RPA3: variants seen among roughly 807,000 people sequenced by gnomAD.
RPA3 encodes the protein replication protein A 14 kDa subunit.
A neutral mutation model predicts 13.7 loss-of-function variants in RPA3; 24 were observed. The ratio of observed to expected loss-of-function variants is 1.75; its 90% confidence interval spans 1.27 to 2.46. RPA3 has a LOEUF of 2.46. Ranked by LOEUF, RPA3 falls within the 30% of genes most tolerant of loss-of-function variation. The pLI is 0.00. For synonymous variants in RPA3, 59 were observed against 51.2 expected (o/e 1.15, Z -0.65); for missense variants, 183 against 151.0 (o/e 1.21, Z -1.11).
intron 7 of RPA3, among the ~76,000 whole-genome samples, chr7:7,637,499 G>C (rs1206957469): frequency 6.6e-6 from 1 of 151,816 alleles, no homozygotes; most frequent in Admixed American, 6.6e-5. Context: ...TTGCCTTTAC[G>C]ATCACAAAAT....
chr7:7,671,870 C>T (rs972202879), intron 4 of RPA3, among the ~76,000 whole-genome samples: 1 of 152,106 alleles, frequency 6.6e-6, no homozygotes, highest in Non-Finnish European at 1.5e-5. Context: ...AGAAGCTGTT[C>T]CTTTTTTCTA....
chr7:7,718,370 T>C (rs1780970296), intron 1 of RPA3, 145 bp downstream of exon 1: 1 of 152,210 alleles, frequency 6.6e-6, no homozygotes, highest in African/African-American at 2.4e-5. Context: ...TACCACCATA[T>C]TCCCAGCACT....
rs527957563 is a variant in RPA3 at position 7,715,294 on chromosome 7, T to G, written c.-1079-68A>C. ...TTTCACCAGATTTATGAATACAGTT[T>G]CATCAATGATCTTGGTGAATAGTAG... is the stretch of plus-strand genomic sequence containing the variant. On this transcript the variant is annotated intron_variant, in intron 1 of 7. Transcript: ENST00000223129. The G allele has an allele frequency of 2.6e-5, 4 of 152,182 alleles. No individual in the cohort carries two copies. The South Asian group carries it at 8.3e-4, about 32-fold the overall frequency. 9.4% of individuals were successfully genotyped at this position (152,182 alleles called of 1,614,324 possible).
chr7:7,690,565 A>G (rs1038726400), intron 2 of RPA3, among the ~76,000 whole-genome samples: 1 of 152,138 alleles, frequency 6.6e-6, no homozygotes, highest in Non-Finnish European at 1.5e-5. Context: ...GGTGGGGGTG[A>G]TGCCGCACCT....
In RPA3 at chr7:7,710,105, A is replaced by G. The variant is rs183449144; in HGVS notation, c.-1028+5070T>C. On this transcript the variant is annotated intron_variant, in intron 2 of 7. Transcript: ENST00000223129. ...CAGTATCATGTATCTGGTCTCATCTATATTGCTCTATGTATCTTTAGTTCT... is the reference window on the plus strand; with the variant it reads ...CAGTATCATGTATCTGGTCTCATCTGTATTGCTCTATGTATCTTTAGTTCT... 9.2e-5 allele frequency among the ~76,000 whole-genome samples: 14 copies of G among 152,288 alleles called. No individual in the cohort carries two copies. The East Asian group carries it at 2.1e-3, about 23-fold the overall frequency.
chr7:7,718,296 T>A (rs1195662798), intron 1 of RPA3, among the ~76,000 whole-genome samples: 1 of 152,210 alleles, frequency 6.6e-6, no homozygotes, highest in Non-Finnish European at 1.5e-5. Context: ...TAAAACTATT[T>A]TGATATTTTT....
chr7:7,712,594 A>C (rs967363579), intron 2 of RPA3, among the ~76,000 whole-genome samples: 5 of 152,030 alleles, frequency 3.3e-5, no homozygotes, highest in African/African-American at 1.2e-4. Context: ...ATTCTTTTGA[A>C]TTTTCTAAGT....
intron 2 of RPA3, among the ~76,000 whole-genome samples, chr7:7,704,350 A>T (rs1780541630): frequency 6.6e-6 from 1 of 152,166 alleles, no homozygotes; most frequent in Non-Finnish European, 1.5e-5. Flanking sequence ...GATTTCTAAT[A>T]TGAAAAATAT....
chr7:7,677,383 C>A (rs1779767801), intron 4 of RPA3, among the ~76,000 whole-genome samples: 1 of 151,932 alleles, frequency 6.6e-6, no homozygotes, highest in Non-Finnish European at 1.5e-5. Context: ...ATCATCCATC[C>A]CCATTTTATT....
chr7:7,712,410 A>G (rs1325757070), intron 2 of RPA3, among the ~76,000 whole-genome samples: 2 of 152,150 alleles, frequency 1.3e-5, no homozygotes, highest in Non-Finnish European at 2.9e-5. Flanking sequence ...CATTTTTCAT[A>G]AAAATCACAT....
At chr7:7,696,043 T>C (rs1006284959) in intron 2 of RPA3, among the ~76,000 whole-genome samples, 4 of 150,782 alleles carry the variant, frequency 2.7e-5, no homozygotes, top group African/African-American at 9.8e-5. Flanking sequence ...GGAGTCTCTG[T>C]TGCCCAGGCT....
In RPA3 at chr7:7,664,579, A is replaced by G. The variant is rs184944388; in HGVS notation, c.-758+21251T>C. Among the ~76,000 whole-genome samples the G allele has an allele frequency of 2.0e-5, 3 of 152,272 alleles. No individual in the cohort carries two copies. In the East Asian group the frequency reaches 5.8e-4, roughly 29 times the overall value. On this transcript the variant is annotated intron_variant, in intron 4 of 7. Coordinates refer to ENST00000223129, the MANE Select transcript of RPA3 (RefSeq NM_002947.5). The stretch of plus-strand genomic sequence containing the variant: ...GAGGTTAATCTCTTTGCTTTCCTCT[A>G]TACCCACTATGCTTTTTGTTCATGT...
At chr7:7,666,997 G>T (rs961677139) in intron 4 of RPA3, among the ~76,000 whole-genome samples, 2 of 152,090 alleles carry the variant, frequency 1.3e-5, no homozygotes, top group Non-Finnish European at 2.9e-5. Flanking sequence ...TAGTAGAGAT[G>T]GGGTTTCACC....
At chr7:7,694,762 C>T (rs969946891) in intron 2 of RPA3, among the ~76,000 whole-genome samples, 1 of 152,024 alleles carries the variant, frequency 6.6e-6, no homozygotes, top group African/African-American at 2.4e-5. Flanking sequence ...GCATACGTAC[C>T]ACGTTTTCTT....
chr7:7,717,008 T>A (rs773323812), intron 1 of RPA3, among the ~76,000 whole-genome samples: 11 of 152,076 alleles, frequency 7.2e-5, no homozygotes, highest in Middle Eastern at 3.4e-3. Flanking sequence ...CCCCTTCCTC[T>A]GCACGAGGGA....
chr7:7,665,745 T>G (rs551316808), intron 4 of RPA3, among the ~76,000 whole-genome samples: 1 of 152,194 alleles, frequency 6.6e-6, no homozygotes, highest in African/African-American at 2.4e-5. Context: ...CACTGTACAC[T>G]AGTTTGTATT....
intron 4 of RPA3, among the ~76,000 whole-genome samples, chr7:7,673,631 C>G (rs952886932): frequency 7.9e-5 from 12 of 152,016 alleles, no homozygotes; most frequent in African/African-American, 2.7e-4. Flanking sequence ...GGAATAGTGT[C>G]ATCAAGTGAG....
intron 4 of RPA3, among the ~76,000 whole-genome samples, chr7:7,649,158 C>CAAAAAAAA (rs34943326): frequency 3.1e-4 from 40 of 128,842 alleles, no homozygotes; most frequent in Non-Finnish European, 4.3e-4. Flanking sequence ...GACTCCATCT[C>CAAAAAAAA]AAAAAAAAAA....
chr7:7,649,506 A>C (rs970266602), intron 4 of RPA3, among the ~76,000 whole-genome samples: 1 of 152,248 alleles, frequency 6.6e-6, no homozygotes, highest in South Asian at 2.1e-4. Context: ...ACTTTGGGGA[A>C]CATATTCAAA....
Sources: gnomAD v4.1 joint callset for allele counts (sites outside exome capture counted in the v4.1 genomes callset) on GRCh38, gnomAD v4.1.1 for gene constraint, MANE v1.5 for transcripts, NCBI Gene and HGNC (gene_info 2026-07-23, HGNC 2026-07-21) for gene names.